Variants in RCAN1 observed in about 807,000 individuals in gnomAD.
The protein encoded by RCAN1 is calcipressin-1.
RCAN1 carries 11 observed loss-of-function variants against 22.9 expected under a neutral mutation model. That is an observed-to-expected ratio of 0.48 (90% confidence interval 0.30 to 0.79). The LOEUF is 0.79. RCAN1 is among the 30% of genes least tolerant of loss of function. RCAN1 has a pLI of 0.06. For missense variants in RCAN1, 291 were observed against 337.8 expected, an observed-to-expected ratio of 0.86 and a Z score of 1.09; for synonymous variants, 136 against 142.3, an observed-to-expected ratio of 0.96 and a Z score of 0.32.
At chr21:34,587,147 C>T (rs935739107) in intron 1 of RCAN1, among the ~76,000 whole-genome samples, 2 of 152,052 alleles carry the variant, frequency 1.3e-5, no homozygotes, top group African/African-American at 4.8e-5. Flanking sequence ...ACAGGTCCTA[C>T]AGATATTAGA....
intron 1 of RCAN1, among the ~76,000 whole-genome samples, chr21:34,564,316 G>T (rs539762461): frequency 6.6e-6 from 1 of 152,238 alleles, no homozygotes; most frequent in Non-Finnish European, 1.5e-5. Context: ...CAGGCGGGGG[G>T]ATCACAGGGC....
chr21:34,533,338 T>C (rs1985515233), intron 1 of RCAN1, among the ~76,000 whole-genome samples: 1 of 152,370 alleles, frequency 6.6e-6, no homozygotes, highest in East Asian at 1.9e-4. Context: ...ACTCTGCCTG[T>C]TAGGTGTAAC....
At chr21:34,601,817 CAA>C (rs202036960) in intron 1 of RCAN1, among the ~76,000 whole-genome samples, 18 of 83,362 alleles carry the variant, frequency 2.2e-4, no homozygotes, top group East Asian at 6.4e-4. Flanking sequence ...GACTCTGTCT[CAA>C]AAAAAAAAAA....
At chr21:34,576,664 G>A (rs1476121896) in intron 1 of RCAN1, among the ~76,000 whole-genome samples, 3 of 152,194 alleles carry the variant, frequency 2.0e-5, no homozygotes, top group Non-Finnish European at 2.9e-5. Flanking sequence ...TGAACATTTT[G>A]GTCAATGTCT....
chr21:34,613,977 C>T (rs1450730462), intron 1 of RCAN1: 1 of 749,790 alleles, frequency 1.3e-6, no homozygotes, highest in Non-Finnish European at 1.9e-6. Flanking sequence ...TTATTCTGCA[C>T]AATAACTGCA....
At chr21:34,609,129 A>G (rs12329879) in intron 1 of RCAN1, among the ~76,000 whole-genome samples, 107 of 152,230 alleles carry the variant, frequency 7.0e-4, no homozygotes, top group Admixed American at 1.4e-3. Context: ...GGTAATTAAT[A>G]TTCTCCTGAG....
rs1984218123 is a variant in RCAN1 at position 34,518,491 on chromosome 21, A to C, written c.587-235T>G. Among the ~76,000 whole-genome samples the C allele has an allele frequency of 6.6e-6, 1 of 152,248 alleles. No homozygotes were observed. Among genetic ancestry groups the C allele is most frequent in the African/African-American group, 2.4e-5 (1 of 41,474 alleles). On this transcript the variant is annotated intron_variant, in intron 3 of 3. Transcript: ENST00000313806. This position sits in a 1 kb window ranked among gnomAD's most constrained non-coding sequence, Gnocchi z 4.2. ...AGTCAAACATTCTGGGAGTCCAGGCACATGAGAAGTATAGAAGGAATGCAT... is the reference window on the plus strand; with the variant it reads ...AGTCAAACATTCTGGGAGTCCAGGCCCATGAGAAGTATAGAAGGAATGCAT...
intron 3 of RCAN1, among the ~76,000 whole-genome samples, chr21:34,520,555 A>G (rs1398833305): frequency 1.3e-5 from 2 of 152,220 alleles, no homozygotes; most frequent in African/African-American, 4.8e-5. Flanking sequence ...ATGGACCAAG[A>G]AAACAAAACC....
At chr21:34,579,122 C>T (rs564982026) in intron 1 of RCAN1, among the ~76,000 whole-genome samples, 9 of 152,252 alleles carry the variant, frequency 5.9e-5, no homozygotes, top group South Asian at 2.1e-4. Flanking sequence ...TGGCCGGGCG[C>T]GGTGGCTCAT....
intron 1 of RCAN1, among the ~76,000 whole-genome samples, chr21:34,549,175 T>C (rs1986263367): frequency 1.3e-5 from 2 of 152,142 alleles, no homozygotes; most frequent in African/African-American, 4.8e-5. Flanking sequence ...GCCATGAGCA[T>C]GTGTGCTTTG....
rs929630099 is a variant in RCAN1, at chr21:34,614,941, G to A, written c.71C>T (p.Ala24Val). Residue 24 changes from alanine (A) to valine (V), a missense_variant, in exon 1 of 4, where the codon GCG (alanine) becomes GTG (valine). Physicochemically the swap from Ala to Val is moderately conservative, Grantham distance 64 (BLOSUM62 0). Transcript: ENST00000313806. This position sits in a 1 kb window ranked among gnomAD's most constrained non-coding sequence, Gnocchi z 6.0. ...AEAAEAAEAR[A>V]RPGVTLRPFA... ...GGGCCGCAGCGTCACCCCGGGCCGC[G>A]CTCGCGCCTCGGCCGCCTCCGCCGC... 3.9e-6 allele frequency: 5 copies of A among 1,269,892 alleles called. No individual in the cohort carries two copies. The highest frequency in any genetic ancestry group is 5.0e-6 in the Non-Finnish European group (5 of 1,002,880). 78.7% of individuals were successfully genotyped at this position (1,269,892 alleles called of 1,614,324 possible).
chr21:34,597,320 C>A (rs1479782737), intron 1 of RCAN1, among the ~76,000 whole-genome samples: 2 of 152,192 alleles, frequency 1.3e-5, no homozygotes. Context: ...GTTCCTCAGT[C>A]ATGTCCACCA....
intron 1 of RCAN1, among the ~76,000 whole-genome samples, chr21:34,592,378 C>CT (rs1196252966): frequency 6.6e-6 from 1 of 152,196 alleles, no homozygotes; most frequent in Non-Finnish European, 1.5e-5. Context: ...TGTCTTCTGA[C>CT]TGACTGGGCT....
intron 1 of RCAN1, among the ~76,000 whole-genome samples, chr21:34,584,818 C>T (rs1406948344): frequency 6.6e-6 from 1 of 152,180 alleles, no homozygotes; most frequent in African/African-American, 2.4e-5. Flanking sequence ...TGACTTTCAC[C>T]AGAGGATTCA....
intron 1 of RCAN1, among the ~76,000 whole-genome samples, chr21:34,604,006 A>G (rs1988444509): frequency 2.0e-5 from 3 of 152,242 alleles, no homozygotes; most frequent in Non-Finnish European, 2.9e-5. Flanking sequence ...AATAATTGCC[A>G]TCATGACATT....
At chr21:34,545,774 G>C (rs180685245) in intron 1 of RCAN1, among the ~76,000 whole-genome samples, 2 of 152,284 alleles carry the variant, frequency 1.3e-5, no homozygotes, top group Admixed American at 1.3e-4. Flanking sequence ...ACAAAGTCTC[G>C]CAAGGATTTT....
chr21:34,568,616 G>A (rs1236198965), intron 1 of RCAN1, among the ~76,000 whole-genome samples: 1 of 152,224 alleles, frequency 6.6e-6, no homozygotes, highest in African/African-American at 2.4e-5. Context: ...CATACGTGAA[G>A]GAGGTCTTTA....
chr21:34,527,364 T>C (rs1985130304), intron 1 of RCAN1, among the ~76,000 whole-genome samples: 1 of 152,170 alleles, frequency 6.6e-6, no homozygotes, highest in Non-Finnish European at 1.5e-5. Context: ...AGAAAACATT[T>C]TGAAATCTGT....
chr21:34,592,304 A>G (rs1568926817), intron 1 of RCAN1, among the ~76,000 whole-genome samples: 1 of 152,176 alleles, frequency 6.6e-6, no homozygotes, highest in African/African-American at 2.4e-5. Flanking sequence ...ACACTCCTGG[A>G]ACAGCACAGC....
Sources: allele counts gnomAD v4.1 joint callset (sites outside exome capture counted in the v4.1 genomes callset), GRCh38; gene constraint gnomAD v4.1.1; non-coding constraint Gnocchi (gnomAD v3.1); transcripts MANE v1.5; gene names NCBI Gene and HGNC (gene_info 2026-07-23, HGNC 2026-07-21).